The following ADGRL3 variants were observed in gnomAD, a reference collection of about 807,000 sequenced individuals.
ADGRL3 encodes calcium-independent alpha-latrotoxin receptor 3.
Under a neutral mutation model 153.5 loss-of-function variants are expected in ADGRL3, and 62 were observed. The observed-to-expected ratio is 0.40, with a 90% CI of 0.33 to 0.50. ADGRL3 has a LOEUF of 0.50. Among genes scored for constraint, ADGRL3 ranks in the 20% least tolerant of loss-of-function variants. The pLI is 0.47. For missense variants in ADGRL3, 1,641 were observed against 1,859.4 expected (o/e 0.88, Z 2.16); for synonymous variants, 710 against 672.5 (o/e 1.06, Z -0.86).
Position 61,443,859 on chromosome 4 carries a change from C to A in ADGRL3, c.-173-53262C>A, listed in dbSNP as rs1404423182. ...AATACAAATTATGTGAAATTTATAT[C>A]AAAAATTTACTAATTCAGTAACACT... is the stretch of plus-strand genomic sequence containing the variant. On this transcript the variant is annotated intron_variant, in intron 2 of 26. Coordinates refer to ENST00000683033, the MANE Select transcript of ADGRL3 (RefSeq NM_001387552.1). 3.3e-5 allele frequency among the ~76,000 whole-genome samples: 5 copies of A among 152,072 alleles called. No homozygotes were observed. The South Asian group carries it at 8.3e-4, about 25-fold the overall frequency.
chr4:61,338,292 A>G (rs1481904590), intron 1 of ADGRL3, among the ~76,000 whole-genome samples: 4 of 151,146 alleles, frequency 2.6e-5, no homozygotes, highest in Non-Finnish European at 5.9e-5. Context: ...AAAAAAAAAG[A>G]CTTCCATGAC....
rs548035328 is a variant in ADGRL3 at position 61,376,404 on chromosome 4, A to C, written c.-239-6720A>C. 7.3e-5 allele frequency among the ~76,000 whole-genome samples: 11 copies of C among 151,462 alleles called. No individual in the cohort carries two copies. In the East Asian group the frequency reaches 2.1e-3, roughly 29 times the overall value. On this transcript the variant is annotated intron_variant, in intron 1 of 26. Transcript: ENST00000683033. ...TAAGTTAAATGCTGTTTTTTTTTTA[A>C]TACTGATAATTTGAAAGCTATTTCT...
At chr4:62,070,078 A>C in intron 26 of ADGRL3, 31 bp from the exon 27 acceptor site, 1 of 1,569,958 alleles carries the variant, frequency 6.4e-7, no homozygotes, top group East Asian at 2.2e-5. Context: ...TGTTGGATAT[A>C]AATGTCATAG....
intron 25 of ADGRL3, among the ~76,000 whole-genome samples, chr4:62,051,187 T>TAC (rs1319602779): frequency 1.5e-5 from 2 of 134,160 alleles, no homozygotes; most frequent in Non-Finnish European, 3.1e-5. Flanking sequence ...TATATATATA[T>TAC]ATACATACAT....
intron 8 of ADGRL3, among the ~76,000 whole-genome samples, chr4:61,767,785 G>A (rs995137823): frequency 7.9e-5 from 12 of 152,126 alleles, no homozygotes; most frequent in Admixed American, 3.3e-4. Context: ...CTGGAGGAAC[G>A]CCTGGCTGCT....
chr4:61,971,161 T>TTTA (rs1187021521), intron 17 of ADGRL3, among the ~76,000 whole-genome samples: 5 of 151,664 alleles, frequency 3.3e-5, no homozygotes, highest in African/African-American at 9.7e-5. Context: ...TATTTATTTA[T>TTTA]TTATTATTAT....
At chr4:61,844,871 TCTA>T (rs1200181857) in intron 9 of ADGRL3, among the ~76,000 whole-genome samples, 1 of 152,004 alleles carries the variant, frequency 6.6e-6, no homozygotes, top group Non-Finnish European at 1.5e-5. Flanking sequence ...TTTATGTCTC[TCTA>T]ACACTGAACT....
intron 1 of ADGRL3, among the ~76,000 whole-genome samples, chr4:61,290,014 T>G (rs1289753795): frequency 3.3e-5 from 5 of 152,118 alleles, no homozygotes; most frequent in Non-Finnish European, 7.4e-5. Context: ...AAGAGATACT[T>G]AAACGTAAAG....
At chr4:61,981,853 G>C (rs755908375) in intron 18 of ADGRL3, among the ~76,000 whole-genome samples, 5 of 152,178 alleles carry the variant, frequency 3.3e-5, no homozygotes, top group Non-Finnish European at 7.4e-5. Flanking sequence ...ATTCATGTTT[G>C]TGATTACACA....
intron 1 of ADGRL3, chr4:61,211,932 T>TG (rs1483408625): frequency 3.3e-5 from 5 of 152,332 alleles, no homozygotes; most frequent in Admixed American, 1.3e-4. Flanking sequence ...GAGAGCTGGA[T>TG]TTTTTCCTGC....
At chr4:61,238,683 G>A (rs1192488578) in intron 1 of ADGRL3, among the ~76,000 whole-genome samples, 2 of 151,910 alleles carry the variant, frequency 1.3e-5, no homozygotes, top group African/African-American at 2.4e-5. Flanking sequence ...ACCTCCTAGA[G>A]CAAATTATTT....
At chr4:61,872,338 G>A (rs997252047) in intron 9 of ADGRL3, among the ~76,000 whole-genome samples, 6 of 151,626 alleles carry the variant, frequency 4.0e-5, no homozygotes, top group African/African-American at 1.5e-4. Flanking sequence ...TGATAGTCAT[G>A]TTGCATTAGT....
At chr4:61,281,128 C>A (rs2093705491) in intron 1 of ADGRL3, among the ~76,000 whole-genome samples, 1 of 151,812 alleles carries the variant, frequency 6.6e-6, no homozygotes, top group Admixed American at 6.6e-5. Context: ...TAAAGGTTGA[C>A]AAATATTGCC....
chr4:61,392,690 A>AAAAAAAAAAAAAAAAAAAAAAAAAAAC (rs2096825043), intron 2 of ADGRL3, among the ~76,000 whole-genome samples: 1 of 144,642 alleles, frequency 6.9e-6, no homozygotes, highest in Non-Finnish European at 1.5e-5. Context: ...ATCTCAAAAA[A>AAAAAAAAAAAAAAAAAAAAAAAAAAAC]AAAAAAAAAA....
rs1022596012 is a variant in ADGRL3 at position 61,963,377 on chromosome 4, G to A, written c.2805+15101G>A. Among the ~76,000 whole-genome samples, 16 of 151,856 alleles carry A rather than the reference G, an allele frequency of 1.1e-4. 1 individual carries two copies. Among genetic ancestry groups the A allele is most frequent in the African/African-American group, 3.6e-4 (15 of 41,348 alleles). ...TTTTGTCATCCAGATAATCAACAGA[G>A]TACCTGATAGGTAGTTATTCAGTCC... On this transcript the variant is annotated intron_variant, in intron 17 of 26. Coordinates refer to ENST00000683033, the MANE Select transcript of ADGRL3 (RefSeq NM_001387552.1).
At chr4:61,996,416 C>T in intron 20 of ADGRL3, 59 bp downstream of exon 20, 4 of 1,134,878 alleles carry the variant, frequency 3.5e-6, no homozygotes, top group Non-Finnish European at 5.3e-6. Flanking sequence ...TTTCACTATC[C>T]CAGTACTGAC....
intron 8 of ADGRL3, among the ~76,000 whole-genome samples, chr4:61,759,620 C>T (rs2096884409): frequency 6.6e-6 from 1 of 151,812 alleles, no homozygotes; most frequent in African/African-American, 2.4e-5. Context: ...GTTTCAACTT[C>T]CTCCTTTAGC....
intron 2 of ADGRL3, among the ~76,000 whole-genome samples, chr4:61,388,937 T>C (rs566893871): frequency 6.6e-6 from 1 of 152,228 alleles, no homozygotes; most frequent in African/African-American, 2.4e-5. Context: ...TCCTGCCTTA[T>C]TTTTTCTCCA....
At chr4:61,369,136 C>T (rs1441596023) in intron 1 of ADGRL3, among the ~76,000 whole-genome samples, 2 of 152,116 alleles carry the variant, frequency 1.3e-5, no homozygotes, top group African/African-American at 2.4e-5. Flanking sequence ...TGGGCTGAGA[C>T]AATGGGGTTT....
Sources: gnomAD v4.1 joint callset for allele counts (sites outside exome capture counted in the v4.1 genomes callset) on GRCh38, gnomAD v4.1.1 for gene constraint, MANE v1.5 for transcripts, NCBI Gene and HGNC (gene_info 2026-07-23, HGNC 2026-07-21) for gene names.